Variants in SENP1 observed in about 807,000 individuals in gnomAD.
SENP1 encodes the protein SUMO specific peptidase 1, also known as sentrin-specific protease 1.
Under a neutral mutation model 93.0 loss-of-function variants are expected in SENP1, and 21 were observed. The observed-to-expected ratio is 0.23, with a 90% confidence interval of 0.16 to 0.33. The LOEUF is 0.33. Ranked by LOEUF, SENP1 falls within the 10% of genes least tolerant of loss-of-function variation. The probability of loss-of-function intolerance (pLI) is 1.00; values close to 1 mark genes in which losing one functional copy is unlikely to be tolerated. For missense variants in SENP1, 591 were observed against 758.7 expected (o/e 0.78, Z 2.60); for synonymous variants, 256 against 259.6 (o/e 0.99, Z 0.13).
intron 13 of SENP1, 132 bp from the exon 14 acceptor site, chr12:48,049,264 A>T: frequency 1.5e-6 from 1 of 686,578 alleles, no homozygotes; most frequent in Non-Finnish European, 2.5e-6. Flanking sequence ...CATCCAACAG[A>T]TTCATTTCTC....
At chr12:48,105,318 C>T (rs139395863) in intron 1 of SENP1, 9,506 of 510,106 alleles carry the variant, frequency 0.019, 130 homozygotes, top group Non-Finnish European at 0.027. Flanking sequence ...ACAGAAATCA[C>T]CAAGCTCAAG....
chr12:48,105,952 G>A (rs1946535504), intron 1 of SENP1, 76 bp downstream of exon 1: 1 of 693,874 alleles, frequency 1.4e-6, no homozygotes, highest in Non-Finnish European at 2.6e-6. Context: ...CGGGCCGGCT[G>A]ACCGGGTCCG....
intron 16 of SENP1, 36 bp downstream of exon 16, chr12:48,046,942 C>A (rs372156097): frequency 4.8e-5 from 69 of 1,422,932 alleles, no homozygotes; most frequent in East Asian, 3.9e-4. Flanking sequence ...AAATACCCTA[C>A]TTTTAGGACT....
intron 14 of SENP1, 95 bp downstream of exon 14, chr12:48,048,834 A>T: frequency 1.1e-6 from 1 of 883,408 alleles, no homozygotes; most frequent in Non-Finnish European, 1.8e-6. Context: ...TCTCTCAATA[A>T]TCAAGGGAAC....
chr12:48,049,887 T>A (rs1941663724), intron 13 of SENP1, among the ~76,000 whole-genome samples: 1 of 152,180 alleles, frequency 6.6e-6, no homozygotes, highest in Admixed American at 6.5e-5. Context: ...TACCCCAGAA[T>A]CTATATGGTT....
Position 48,075,257 on chromosome 12 carries a change from T to G in SENP1, c.553-464A>C, listed in dbSNP as rs564123289. 1.2e-4 allele frequency among the ~76,000 whole-genome samples: 17 copies of G among 140,604 alleles called. No homozygotes were observed. The East Asian group carries it at 2.8e-3, about 24-fold the overall frequency. The allele number at this position is 140,604 out of a possible 152,430, so 92.2% of individuals were successfully genotyped here. A position where few individuals can be genotyped will look rare whatever the true frequency, so the allele number is the denominator to read the frequency against. On this transcript the variant is annotated intron_variant, in intron 6 of 17. Coordinates refer to ENST00000549518, the MANE Select transcript of SENP1 (RefSeq NM_001267594.2). ...AAAACAAAACAAAACAAAACAAAAA[T>G]TATCAAGTGTGTAAAAGACAGGTTG...
intron 6 of SENP1, among the ~76,000 whole-genome samples, chr12:48,083,119 C>T (rs1011746210): frequency 6.6e-5 from 10 of 152,008 alleles, no homozygotes; most frequent in South Asian, 4.1e-4. Flanking sequence ...TGCCCAGGCT[C>T]GTCTCGAACT....
chr12:48,059,323 T>C (rs1363759591), intron 13 of SENP1, among the ~76,000 whole-genome samples: 2 of 152,180 alleles, frequency 1.3e-5, no homozygotes, highest in South Asian at 2.1e-4. Flanking sequence ...CATATTCAAG[T>C]TTCTATTGCT....
chr12:48,106,019 G>A lies in SENP1; in HGVS notation c.-45+9C>T. On this transcript the variant is annotated intron_variant, in intron 1 of 17. Coordinates refer to ENST00000549518, the MANE Select transcript of SENP1 (RefSeq NM_001267594.2). ...CTCACCCCTCCCCCAGCTTCCCGCC[G>A]CCACTCACCGAACCGGAACCGGCTG... 1 of 701,152 alleles carries A rather than the reference G, an allele frequency of 1.4e-6. No homozygotes were observed. Among genetic ancestry groups the A allele is most frequent in the Non-Finnish European group, 2.6e-6 (1 of 384,714 alleles). The allele number at this position is 701,152 out of a possible 1,614,324, so 43.4% of individuals were successfully genotyped here. A position where few individuals can be genotyped will look rare whatever the true frequency, so the allele number is the denominator to read the frequency against.
intron 13 of SENP1, among the ~76,000 whole-genome samples, chr12:48,049,862 T>C (rs1298646949): frequency 2.0e-5 from 3 of 152,164 alleles, no homozygotes; most frequent in Non-Finnish European, 2.9e-5. Flanking sequence ...GTCACAAACA[T>C]GAAGAATAAC....
At chr12:48,087,770 A>G (rs1419672285) in intron 5 of SENP1, among the ~76,000 whole-genome samples, 1 of 152,218 alleles carries the variant, frequency 6.6e-6, no homozygotes, top group Non-Finnish European at 1.5e-5. Context: ...GCATAAAATA[A>G]TAAAAGCCAT....
chr12:48,090,439 C>A (rs949381952), intron 4 of SENP1, among the ~76,000 whole-genome samples: 5 of 152,166 alleles, frequency 3.3e-5, no homozygotes, highest in Admixed American at 1.3e-4. Flanking sequence ...GTGACAGAGA[C>A]TGCAGCTTTA....
intron 8 of SENP1, 43 bp from the exon 9 acceptor site, chr12:48,071,764 A>G (rs375256341): frequency 7.3e-5 from 95 of 1,309,286 alleles, no homozygotes; most frequent in Non-Finnish European, 9.9e-5. Context: ...AAAACTCCAC[A>G]AAGTTATACT....
At position 48,049,066 on chromosome 12, in the gene SENP1, C is replaced by G. The variant is rs1262151296; in HGVS notation, c.1474G>C (p.Ala492Pro). 1 of 1,613,612 alleles carries G rather than the reference C, an allele frequency of 6.2e-7. No homozygotes were observed. Residue 492 changes from alanine to proline, a missense_variant, in exon 14 of 18, where the codon GCA (alanine) becomes CCA (proline). This residue lies in a region of SENP1 where 132 missense variants were observed against 230.1 expected (regional missense o/e 0.57). Transcript: ENST00000549518. Reference sequence around the variant, plus strand: ...TTAGTGAAGAAAAAGGTATTAAATGCATGCACACTTGGCAAGCCCTTCTCT... The same window carrying G: ...TTAGTGAAGAAAAAGGTATTAAATGGATGCACACTTGGCAAGCCCTTCTCT... ...SKEKGLPSVH[A>P]FNTFFFTKLK...
intron 10 of SENP1, among the ~76,000 whole-genome samples, chr12:48,066,588 T>C (rs1239970330): frequency 2.0e-5 from 3 of 151,638 alleles, no homozygotes; most frequent in Non-Finnish European, 4.4e-5. Context: ...CTCGGCTCAC[T>C]GCAACCTCCA....
At chr12:48,099,801 C>G (rs76053791) in intron 2 of SENP1, among the ~76,000 whole-genome samples, 1 of 152,056 alleles carries the variant, frequency 6.6e-6, no homozygotes, top group African/African-American at 2.4e-5. Flanking sequence ...AGAGTGAGAC[C>G]CTGTCTCTAA....
At position 48,074,436 on chromosome 12, in the gene SENP1, G is replaced by A. The variant is rs750848709; in HGVS notation, c.828C>T (p.Thr276=). The A allele has an allele frequency of 2.5e-6, 4 of 1,613,742 alleles. No homozygotes were observed. In the Admixed American group the frequency reaches 6.7e-5, roughly 27 times the overall value. ...SHSVYSLSSY[T]PDVAFGSKDS... ...CTTTGGATCCAAATGCAACATCTGG[G>A]GTATAAGAAGATAGGGAATATACAC... Residue 276 remains threonine (T), a synonymous_variant, in exon 8 of 18, where the codon ACC becomes ACT. Coordinates refer to ENST00000549518, the MANE Select transcript of SENP1 (RefSeq NM_001267594.2).
Position 48,043,835 on chromosome 12 carries a change from C to T in SENP1, c.*1487G>A, listed in dbSNP as rs1310876990. ...GTAAAACATAGAAAAATGTACTAAA[C>T]GAGCTTGTATAAAACAGTAAAATTT... On this transcript the variant is annotated 3_prime_UTR_variant, in exon 18 of 18. Transcript: ENST00000549518. The T allele has an allele frequency of 6.6e-6, 1 of 152,400 alleles. No individual in the cohort carries two copies. The allele number at this position is 152,400 out of a possible 1,614,324, so 9.4% of individuals were successfully genotyped here.
In SENP1 at chr12:48,088,833, T is replaced by G. The variant is rs1368448056; in HGVS notation, c.348A>C (p.Arg116=). ...SSSLQKSRNS[R]SLYLETRKTS... is the part of the protein sequence containing the mutation. ...TCTTTCGGGTTTCGAGGTAAAGACT[T>G]CGGCTGTTTCTTGATTTTTGTAAAG... Residue 116 remains arginine, a synonymous_variant, in exon 5 of 18, where the codon CGA becomes CGC. Coordinates refer to ENST00000549518, the MANE Select transcript of SENP1 (RefSeq NM_001267594.2). The G allele has an allele frequency of 6.2e-7, 1 of 1,609,424 alleles. No individual in the cohort carries two copies.
Sources: gnomAD v4.1 joint callset for allele counts (sites outside exome capture counted in the v4.1 genomes callset) on GRCh38, gnomAD v4.1.1 for gene constraint, gnomAD v4.1.1 regional missense constraint, MANE v1.5 for transcripts, NCBI Gene and HGNC (gene_info 2026-07-23, HGNC 2026-07-21) for gene names.